PRKCA: variants seen among roughly 807,000 people sequenced by gnomAD.
The protein encoded by PRKCA is protein kinase C alpha.
A neutral mutation model predicts 87.0 loss-of-function variants in PRKCA; 27 were observed. That is an observed-to-expected ratio of 0.31 (90% confidence interval 0.23 to 0.43). The LOEUF (loss-of-function observed/expected upper bound fraction) is 0.43, where lower values mean the gene tolerates loss of function less well. PRKCA is among the 20% of genes least tolerant of loss of function. The pLI is 1.00. For missense variants in PRKCA, 518 were observed against 852.3 expected (o/e 0.61, Z 4.88); for synonymous variants, 329 against 311.1 (o/e 1.06, Z -0.61).
intron 3 of PRKCA, among the ~76,000 whole-genome samples, chr17:66,580,644 A>G (rs561745990): frequency 4.3e-4 from 65 of 152,326 alleles, no homozygotes; most frequent in Non-Finnish European, 7.8e-4. Context: ...TTAAACATGC[A>G]TACTTCATGA....
At chr17:66,633,667 G>A (rs539298781) in intron 3 of PRKCA, among the ~76,000 whole-genome samples, 145 of 152,296 alleles carry the variant, frequency 9.5e-4, no homozygotes, top group African/African-American at 3.3e-3. Context: ...AACCTATGGG[G>A]CATTTTGGAG....
chr17:66,661,594 C>T (rs1356446640), intron 5 of PRKCA, among the ~76,000 whole-genome samples: 2 of 152,178 alleles, frequency 1.3e-5, no homozygotes, highest in Admixed American at 6.5e-5. Flanking sequence ...TGGCTGGTCT[C>T]CAAAAACAGC....
At chr17:66,637,759 A>C (rs1971183923) in intron 3 of PRKCA, among the ~76,000 whole-genome samples, 1 of 152,154 alleles carries the variant, frequency 6.6e-6, no homozygotes, top group Non-Finnish European at 1.5e-5. Context: ...CCGCCAACAC[A>C]AGGATCACTG....
chr17:66,800,361 C>T (rs1378168182), intron 16 of PRKCA, among the ~76,000 whole-genome samples: 2 of 152,194 alleles, frequency 1.3e-5, no homozygotes, highest in African/African-American at 2.4e-5. Flanking sequence ...CACAACTTCC[C>T]CTTTAGCTCT....
At chr17:66,781,887 A>AGTGTGT (rs749824745) in intron 14 of PRKCA, among the ~76,000 whole-genome samples, 204 of 125,610 alleles carry the variant, frequency 1.6e-3, no homozygotes, top group East Asian at 9.3e-3. Context: ...ATATATATAT[A>AGTGTGT]GTGTGTGTGT....
intron 3 of PRKCA, among the ~76,000 whole-genome samples, chr17:66,591,236 T>C (rs1257540073): frequency 6.6e-6 from 1 of 152,184 alleles, no homozygotes; most frequent in Admixed American, 6.5e-5. Context: ...CGCTGTAGCC[T>C]TGACTTCCCA....
At chr17:66,467,855 G>A (rs1915153495) in intron 2 of PRKCA, among the ~76,000 whole-genome samples, 1 of 151,816 alleles carries the variant, frequency 6.6e-6, no homozygotes. Flanking sequence ...ACTGCGTCTG[G>A]CCTTGGTTGT....
chr17:66,396,673 G>T (rs1283948051), intron 2 of PRKCA, among the ~76,000 whole-genome samples: 2 of 133,848 alleles, frequency 1.5e-5, no homozygotes, highest in Non-Finnish European at 3.1e-5. Flanking sequence ...CTGTTGCCCA[G>T]ACTGGAGTAC....
intron 2 of PRKCA, among the ~76,000 whole-genome samples, chr17:66,336,849 C>T (rs966003770): frequency 4.6e-5 from 7 of 150,562 alleles, no homozygotes; most frequent in Non-Finnish European, 7.4e-5. Context: ...AGTGCAGTGG[C>T]GTGATCTCGG....
In PRKCA at chr17:66,748,429, A is replaced by C. The variant is rs1428361670; in HGVS notation, c.1524+5669A>C. Reference sequence around the variant, plus strand: ...AAGAGTCCTATTAATATTTGGGGGGAGCATATTAAAGATGGGAGGAATAAA... The same window carrying C: ...AAGAGTCCTATTAATATTTGGGGGGCGCATATTAAAGATGGGAGGAATAAA... On this transcript the variant is annotated intron_variant, in intron 13 of 16. Transcript: ENST00000413366. 2.0e-5 allele frequency among the ~76,000 whole-genome samples: 3 copies of C among 152,016 alleles called. No homozygotes were observed. In the East Asian group the frequency reaches 5.8e-4, roughly 29 times the overall value.
chr17:66,346,342 C>T (rs1907366234), intron 2 of PRKCA, among the ~76,000 whole-genome samples: 1 of 151,798 alleles, frequency 6.6e-6, no homozygotes, highest in Non-Finnish European at 1.5e-5. Context: ...AGTGATCTGC[C>T]CACCTTGGCC....
chr17:66,712,357 G>C (rs763851023), intron 8 of PRKCA, among the ~76,000 whole-genome samples: 3 of 152,172 alleles, frequency 2.0e-5, no homozygotes, highest in Non-Finnish European at 4.4e-5. Context: ...GGCCTGACGT[G>C]CCTGAGTGCT....
At chr17:66,471,033 T>C (rs1279557010) in intron 2 of PRKCA, among the ~76,000 whole-genome samples, 4 of 152,072 alleles carry the variant, frequency 2.6e-5, no homozygotes, top group Non-Finnish European at 5.9e-5. Flanking sequence ...TTTTTTTAAT[T>C]GTACTTCTAC....
At chr17:66,514,780 G>T (rs1163148859) in intron 3 of PRKCA, among the ~76,000 whole-genome samples, 1 of 152,078 alleles carries the variant, frequency 6.6e-6, no homozygotes, top group African/African-American at 2.4e-5. Context: ...CCCATTCAAA[G>T]AACTCCTCCA....
At chr17:66,517,959 G>A (rs1165025551) in intron 3 of PRKCA, among the ~76,000 whole-genome samples, 6 of 152,176 alleles carry the variant, frequency 3.9e-5, no homozygotes, top group African/African-American at 7.2e-5. Context: ...GTTCCCTTTT[G>A]CTTATTGAAA....
At chr17:66,668,190 G>GT (rs1258525122) in intron 5 of PRKCA, among the ~76,000 whole-genome samples, 1 of 152,188 alleles carries the variant, frequency 6.6e-6, no homozygotes, top group Admixed American at 6.5e-5. Flanking sequence ...TTGCTATGGA[G>GT]TTTCTCTCAT....
intron 3 of PRKCA, among the ~76,000 whole-genome samples, chr17:66,575,510 G>A (rs1969212720): frequency 6.6e-6 from 1 of 152,302 alleles, no homozygotes; most frequent in East Asian, 1.9e-4. Flanking sequence ...AACCCGGGAG[G>A]CGGAGGTTGC....
intron 2 of PRKCA, among the ~76,000 whole-genome samples, chr17:66,422,161 T>G (rs545576319): frequency 1.3e-5 from 2 of 152,244 alleles, no homozygotes; most frequent in African/African-American, 4.8e-5. Flanking sequence ...TATAACCCTC[T>G]TGCCTTTCTA....
intron 2 of PRKCA, among the ~76,000 whole-genome samples, chr17:66,373,271 G>A (rs1185813181): frequency 6.6e-6 from 1 of 152,054 alleles, no homozygotes; most frequent in East Asian, 1.9e-4. Flanking sequence ...GCTATGTGGT[G>A]GACACTTGGA....
Sources: gnomAD v4.1 joint callset for allele counts (sites outside exome capture counted in the v4.1 genomes callset) on GRCh38, gnomAD v4.1.1 for gene constraint, MANE v1.5 for transcripts, NCBI Gene and HGNC (gene_info 2026-07-23, HGNC 2026-07-21) for gene names.